Variants in RASGEF1A observed in about 807,000 individuals in gnomAD.
RASGEF1A encodes the protein RasGEF domain family member 1A.
In RASGEF1A, 18 loss-of-function variants were observed where a neutral mutation model predicts 56.4. The observed-to-expected ratio is 0.32, with a 90% confidence interval of 0.22 to 0.47. RASGEF1A has a LOEUF of 0.47. RASGEF1A is among the 20% of genes least tolerant of loss of function. RASGEF1A has a pLI of 1.00. For synonymous variants in RASGEF1A, 245 were observed against 242.6 expected, an observed-to-expected ratio of 1.01 and a Z score of -0.09; for missense variants, 422 against 627.1, an observed-to-expected ratio of 0.67 and a Z score of 3.49.
chr10:43,225,893 G>C (rs1840273447), intron 1 of RASGEF1A, among the ~76,000 whole-genome samples: 1 of 152,222 alleles, frequency 6.6e-6, no homozygotes, highest in African/African-American at 2.4e-5. Context: ...GGGAGAGAGA[G>C]GAGGGCGGCG....
At chr10:43,238,091 G>T (rs1443887622) in intron 1 of RASGEF1A, among the ~76,000 whole-genome samples, 1 of 129,868 alleles carries the variant, frequency 7.7e-6, no homozygotes, top group Non-Finnish European at 1.6e-5. Context: ...CCCGCCTTTG[G>T]GGGGCGGAGG....
At chr10:43,197,961 A>C in intron 10 of RASGEF1A, 43 bp downstream of exon 10, 1 of 1,531,186 alleles carries the variant, frequency 6.5e-7, no homozygotes, top group Non-Finnish European at 8.9e-7. Flanking sequence ...CCAGTAGCTC[A>C]GACAGTTTCC....
chr10:43,238,283 G>T (rs1341390911), intron 1 of RASGEF1A, among the ~76,000 whole-genome samples: 2 of 152,262 alleles, frequency 1.3e-5, no homozygotes, highest in South Asian at 2.1e-4. Flanking sequence ...GCCTTCGGGG[G>T]TGTTGTATCG....
At chr10:43,223,099 C>G (rs980713920) in intron 1 of RASGEF1A, among the ~76,000 whole-genome samples, 7 of 152,094 alleles carry the variant, frequency 4.6e-5, no homozygotes, top group African/African-American at 1.7e-4. Context: ...GATTCACAAC[C>G]AGAAATTGCC....
intron 3 of RASGEF1A, 63 bp from the exon 4 acceptor site, chr10:43,202,008 T>C (rs1389305398): frequency 5.8e-5 from 86 of 1,475,246 alleles, no homozygotes; most frequent in Non-Finnish European, 7.7e-5. Flanking sequence ...AGATGGCAAA[T>C]GGTGCAAGCT....
chr10:43,231,007 G>A (rs565969719), intron 1 of RASGEF1A, among the ~76,000 whole-genome samples: 1 of 152,364 alleles, frequency 6.6e-6, no homozygotes, highest in Admixed American at 6.5e-5. Context: ...GGCCTGGCCT[G>A]GAACCGCTTC....
At chr10:43,211,347 T>C (rs374373749) in intron 1 of RASGEF1A, among the ~76,000 whole-genome samples, 1 of 152,178 alleles carries the variant, frequency 6.6e-6, no homozygotes. Flanking sequence ...TAAGTCTTCC[T>C]GGCTGGGCCT....
At chr10:43,233,074 C>A (rs1218971002) in intron 1 of RASGEF1A, among the ~76,000 whole-genome samples, 1 of 151,676 alleles carries the variant, frequency 6.6e-6, no homozygotes, top group Non-Finnish European at 1.5e-5. Context: ...AGGCCACCTT[C>A]TCACTAACAC....
At chr10:43,228,112 G>A (rs1348305099) in intron 1 of RASGEF1A, among the ~76,000 whole-genome samples, 10 of 152,012 alleles carry the variant, frequency 6.6e-5, no homozygotes, top group South Asian at 2.1e-4. Context: ...CCCCAGCCAC[G>A]CCACCTCGCT....
chr10:43,215,749 C>T (rs1840128404), intron 1 of RASGEF1A, among the ~76,000 whole-genome samples: 1 of 152,298 alleles, frequency 6.6e-6, no homozygotes, highest in Admixed American at 6.5e-5. Context: ...CAGAGAGCAC[C>T]CCACAGAGCC....
intron 1 of RASGEF1A, among the ~76,000 whole-genome samples, chr10:43,227,943 T>A (rs1840303763): frequency 1.3e-5 from 2 of 152,036 alleles, no homozygotes; most frequent in African/African-American, 4.8e-5. Context: ...TTCTCTGCCA[T>A]CTCCCAAGGC....
At chr10:43,223,955 C>T (rs963606887) in intron 1 of RASGEF1A, among the ~76,000 whole-genome samples, 1 of 152,060 alleles carries the variant, frequency 6.6e-6, no homozygotes, top group Non-Finnish European at 1.5e-5. Context: ...AAGTTTAAAA[C>T]AAACAACTAC....
intron 1 of RASGEF1A, among the ~76,000 whole-genome samples, chr10:43,239,929 A>G (rs4948707): frequency 9.3e-6 from 1 of 107,064 alleles, no homozygotes; most frequent in South Asian, 4.0e-4. Context: ...GCTTAAAAGG[A>G]AAGTTTCAGT....
rs373283535 is a variant in RASGEF1A, at chr10:43,248,630, T to G, written c.-7+18215A>C. On this transcript the variant is annotated intron_variant, in intron 1 of 12. Transcript: ENST00000395810. ...TAATTTGTATTTTGTTCATTATGAATGACAGTGAGCTAATAAGGCATTTTT... is the reference window on the plus strand; with the variant it reads ...TAATTTGTATTTTGTTCATTATGAAGGACAGTGAGCTAATAAGGCATTTTT... Among the ~76,000 whole-genome samples, 4 of 152,192 alleles carry G rather than the reference T, an allele frequency of 2.6e-5. No homozygotes were observed. The East Asian group carries it at 7.7e-4, about 29-fold the overall frequency.
rs150901480 is a variant in RASGEF1A at position 43,243,183 on chromosome 10, G to A, written c.-7+23662C>T. Among the ~76,000 whole-genome samples, 1,409 of 142,948 alleles carry A rather than the reference G, an allele frequency of 9.9e-3. 10 individuals carry two copies. The highest frequency in any genetic ancestry group is 0.016 in the Middle Eastern group (4 of 248). 93.8% of individuals were successfully genotyped at this position (142,948 alleles called of 152,430 possible). On this transcript the variant is annotated intron_variant, in intron 1 of 12. Transcript: ENST00000395810. ...AAGTGAGGAGCGCCTCTGCCTGGCC[G>A]CCCCCGTCTGGGAAGTGAGGAGTGC...
chr10:43,237,408 C>T (rs959280066), intron 1 of RASGEF1A, among the ~76,000 whole-genome samples: 37 of 151,516 alleles, frequency 2.4e-4, no homozygotes, highest in Non-Finnish European at 4.7e-4. Context: ...ATCCCTGACC[C>T]CACTGTTGTG....
At chr10:43,229,791 C>G in intron 1 of RASGEF1A, 1 of 1,257,134 alleles carries the variant, frequency 8.0e-7, no homozygotes, top group Non-Finnish European at 1.0e-6. Context: ...GGGGTGGGAC[C>G]CCGGAAGCAG....
intron 1 of RASGEF1A, among the ~76,000 whole-genome samples, chr10:43,245,080 T>C (rs973532884): frequency 1.3e-5 from 2 of 151,296 alleles, no homozygotes; most frequent in African/African-American, 4.9e-5. Flanking sequence ...AAGAAAAAAA[T>C]AGAGAGAAGA....
chr10:43,260,560 C>A (rs569120263), intron 1 of RASGEF1A, among the ~76,000 whole-genome samples: 2 of 152,320 alleles, frequency 1.3e-5, no homozygotes, highest in East Asian at 3.9e-4. Context: ...CAAGTGGCTC[C>A]CCAGACCCAG....
Sources: allele counts gnomAD v4.1 joint callset (sites outside exome capture counted in the v4.1 genomes callset), GRCh38; gene constraint gnomAD v4.1.1; transcripts MANE v1.5; gene names NCBI Gene and HGNC (gene_info 2026-07-23, HGNC 2026-07-21).